TMLHE: variants seen among roughly 807,000 people sequenced by gnomAD.
TMLHE encodes the protein trimethyllysine dioxygenase, mitochondrial.
In TMLHE, 18 loss-of-function variants were observed where a neutral mutation model predicts 25.7. That is an observed-to-expected ratio of 0.70 (90% confidence interval 0.48 to 1.04). The LOEUF (loss-of-function observed/expected upper bound fraction) is 1.04, where lower values mean the gene tolerates loss of function less well. TMLHE is among the 50% of genes least tolerant of loss of function. The pLI is 0.00. For synonymous variants in TMLHE, 105 were observed against 97.0 expected, an observed-to-expected ratio of 1.08 and a Z score of -0.49; for missense variants, 236 against 259.0, an observed-to-expected ratio of 0.91 and a Z score of 0.61.
chrX:155,547,828 C>T (rs1367211836), intron 1 of TMLHE, among the ~76,000 whole-genome samples: 1 of 111,117 alleles, frequency 9.0e-6, no homozygotes, highest in African/African-American at 3.3e-5. Context: ...CCACCCCATT[C>T]TTTCAAGGAA....
chrX:155,541,525 T>C (rs1159715835), intron 2 of TMLHE, among the ~76,000 whole-genome samples: 2 of 111,785 alleles, frequency 1.8e-5, no homozygotes, highest in Non-Finnish European at 3.8e-5. Context: ...TATGTCTTTA[T>C]AGTAGAATGA....
chrX:155,551,418 C>T lies in TMLHE; in HGVS notation c.-1-6141G>A, dbSNP rs1052965459. On this transcript the variant is annotated intron_variant, in intron 1 of 7. Coordinates refer to ENST00000334398, the MANE Select transcript of TMLHE (RefSeq NM_018196.4). The stretch of plus-strand genomic sequence containing the variant: ...CAGTAATGGGATTGCTGGGTCAAAT[C>T]GTAATTCTAGTTCTAGATCCTTGAG... Among the ~76,000 whole-genome samples the T allele has an allele frequency of 2.5e-4, 23 of 92,127 alleles. 2 individuals are homozygous for T. Among genetic ancestry groups the T allele is most frequent in the Non-Finnish European group, 4.3e-4 (21 of 48,290 alleles). The allele number at this position is 92,127 out of a possible 115,157, so 80.0% of individuals were successfully genotyped here.
rs1261579153 is a variant in TMLHE, at chrX:155,573,302, A to T, written c.-1-28025T>A. The stretch of plus-strand genomic sequence containing the variant: ...AATGAGATACCATCTCACACCAGGT[A>T]GAATGGCAATCATTAAAAAGTCAGG... On this transcript the variant is annotated intron_variant, in intron 1 of 7. Transcript: ENST00000334398. Among the ~76,000 whole-genome samples, 2 of 57,766 alleles carry T rather than the reference A, an allele frequency of 3.5e-5. 1 individual carries two copies. Among genetic ancestry groups the T allele is most frequent in the Non-Finnish European group, 9.1e-5 (2 of 22,048 alleles). The allele number at this position is 57,766 out of a possible 115,157, so 50.2% of individuals were successfully genotyped here.
At chrX:155,533,619 G>C (rs1362088016) in intron 2 of TMLHE, among the ~76,000 whole-genome samples, 1 of 110,596 alleles carries the variant, frequency 9.0e-6, no homozygotes, top group Non-Finnish European at 1.9e-5. Context: ...TCTGGTAAGA[G>C]GTCAGAAAAA....
Position 155,562,045 on chromosome X carries a change from G to C in TMLHE, c.-1-16768C>G, listed in dbSNP as rs1345443596. On this transcript the variant is annotated intron_variant, in intron 1 of 7. Transcript: ENST00000334398. Reference sequence around the variant, plus strand: ...TCTTCTCATGGCTCCACTAGGCAGTGCCCAGTGTGGACTCTGTGTGGGGCC... The same window carrying C: ...TCTTCTCATGGCTCCACTAGGCAGTCCCCAGTGTGGACTCTGTGTGGGGCC... Among the ~76,000 whole-genome samples the C allele has an allele frequency of 7.5e-4, 47 of 62,358 alleles. 6 individuals are homozygous for C. Among genetic ancestry groups the C allele is most frequent in the African/African-American group, 1.7e-3 (47 of 28,175 alleles). 54.2% of individuals were successfully genotyped at this position (62,358 alleles called of 115,157 possible).
At chrX:155,545,313 T>C (rs782466598) in intron 1 of TMLHE, 36 bp from the exon 2 acceptor site, 4 of 1,081,419 alleles carry the variant, frequency 3.7e-6, no homozygotes, top group Non-Finnish European at 5.0e-6. Flanking sequence ...AGTAGTAATA[T>C]ACAACAACTT....
intron 3 of TMLHE, among the ~76,000 whole-genome samples, chrX:155,516,010 C>CTTTTTTTTTT (rs782343831): frequency 4.5e-5 from 3 of 67,000 alleles, no homozygotes; most frequent in Admixed American, 2.0e-4. Context: ...TTGTACTTTT[C>CTTTTTTTTTT]TTCTTTTTTT....
intron 1 of TMLHE, among the ~76,000 whole-genome samples, chrX:155,604,479 T>C (rs1418786453): frequency 8.9e-6 from 1 of 111,758 alleles, no homozygotes; most frequent in Non-Finnish European, 1.9e-5. Flanking sequence ...TGCATTTCTC[T>C]GGAGTGGAGA....
intron 1 of TMLHE, among the ~76,000 whole-genome samples, chrX:155,579,059 A>G (rs1219952567): frequency 9.0e-6 from 1 of 111,446 alleles, no homozygotes; most frequent in Non-Finnish European, 1.9e-5. Flanking sequence ...TTAACCAAGA[A>G]TCTCTACAAG....
chrX:155,586,055 T>C (rs113344916), intron 1 of TMLHE, among the ~76,000 whole-genome samples: 146 of 109,438 alleles, frequency 1.3e-3, no homozygotes, highest in African/African-American at 4.8e-3. Flanking sequence ...AGAAACCCCG[T>C]CTCTACTAAA....
At chrX:155,594,700 C>T (rs2067711677) in intron 1 of TMLHE, among the ~76,000 whole-genome samples, 1 of 111,768 alleles carries the variant, frequency 8.9e-6, no homozygotes, top group African/African-American at 3.2e-5. Context: ...TTACAAAATG[C>T]TGTAAATTTT....
At chrX:155,549,778 G>T (rs1399762247) in intron 1 of TMLHE, among the ~76,000 whole-genome samples, 1 of 109,859 alleles carries the variant, frequency 9.1e-6, no homozygotes, top group Non-Finnish European at 1.9e-5. Flanking sequence ...TGCAGAACGT[G>T]CAGGTTTGTT....
At position 155,611,272 on chromosome X, in the gene TMLHE, G is replaced by A. The variant is rs1301470181; in HGVS notation, c.-2+1520C>T. Among the ~76,000 whole-genome samples the A allele has an allele frequency of 2.7e-5, 3 of 110,944 alleles. No homozygotes were observed. The East Asian group carries it at 8.5e-4, about 31-fold the overall frequency. On this transcript the variant is annotated intron_variant, in intron 1 of 7. Transcript: ENST00000334398. Reference sequence around the variant, plus strand: ...ATGTACAGCCCATATGAGCCCAGGGGATGCTTGGTATTATAGAAAGGGGAT... The same window carrying A: ...ATGTACAGCCCATATGAGCCCAGGGAATGCTTGGTATTATAGAAAGGGGAT...
intron 1 of TMLHE, among the ~76,000 whole-genome samples, chrX:155,611,234 C>A (rs1266684276): frequency 1.8e-5 from 2 of 110,987 alleles, no homozygotes; most frequent in African/African-American, 6.6e-5. Context: ...TTACACAGGG[C>A]AATGGCAGGT....
chrX:155,561,930 G>A lies in TMLHE; in HGVS notation c.-1-16653C>T, dbSNP rs1225658673. Among the ~76,000 whole-genome samples, 5 of 62,649 alleles carry A rather than the reference G, an allele frequency of 8.0e-5. 2 individuals are homozygous for A. Among genetic ancestry groups the A allele is most frequent in the East Asian group, 1.4e-3 (2 of 1,403 alleles). 54.4% of individuals were successfully genotyped at this position (62,649 alleles called of 115,157 possible). A position where few individuals can be genotyped will look rare whatever the true frequency, so the allele number is the denominator to read the frequency against. The stretch of plus-strand genomic sequence containing the variant: ...GTACAGCCACTGAGGCTGCATTCAC[G>A]AGCTGGCATTGAGTGCCTGTGGCTT... On this transcript the variant is annotated intron_variant, in intron 1 of 7. Coordinates refer to ENST00000334398, the MANE Select transcript of TMLHE (RefSeq NM_018196.4).
chrX:155,512,205 T>G (rs933342328), intron 4 of TMLHE, among the ~76,000 whole-genome samples: 8 of 110,289 alleles, frequency 7.3e-5, no homozygotes, highest in African/African-American at 2.0e-4. Flanking sequence ...TTAGGGTACA[T>G]GTGCACAATG....
chrX:155,599,844 G>GT (rs2067746047), intron 1 of TMLHE, among the ~76,000 whole-genome samples: 1 of 111,400 alleles, frequency 9.0e-6, no homozygotes, highest in South Asian at 3.8e-4. Flanking sequence ...TAGGGAGTGT[G>GT]TTGGAAATGT....
chrX:155,531,832 C>T (rs2067250612), intron 2 of TMLHE, among the ~76,000 whole-genome samples: 1 of 111,594 alleles, frequency 9.0e-6, no homozygotes, highest in Non-Finnish European at 1.9e-5. Flanking sequence ...GTGTCAGCAG[C>T]ATCTTCCTCT....
At chrX:155,561,236 C>T (rs1442722288) in intron 1 of TMLHE, among the ~76,000 whole-genome samples, 1 of 61,196 alleles carries the variant, frequency 1.6e-5, no homozygotes, top group African/African-American at 3.6e-5. Flanking sequence ...TTGGAGAGAC[C>T]TCAGGAATCT....
Sources: allele counts gnomAD v4.1 joint callset (sites outside exome capture counted in the v4.1 genomes callset), GRCh38; gene constraint gnomAD v4.1.1; transcripts MANE v1.5; gene names NCBI Gene and HGNC (gene_info 2026-07-23, HGNC 2026-07-21).